Variants in C1GALT1 observed in about 807,000 individuals in gnomAD.
The protein encoded by C1GALT1 is glycoprotein-N-acetylgalactosamine 3-beta-galactosyltransferase 1.
A neutral mutation model predicts 31.0 loss-of-function variants in C1GALT1; 11 were observed. The observed-to-expected ratio is 0.36, with a 90% CI of 0.22 to 0.59. C1GALT1 has a LOEUF of 0.59. Among genes scored for constraint, C1GALT1 ranks in the 20% least tolerant of loss-of-function variants. The probability of loss-of-function intolerance (pLI) is 0.79; values close to 1 mark genes in which losing one functional copy is unlikely to be tolerated. For missense variants in C1GALT1, 424 were observed against 425.2 expected (o/e 1.00, Z 0.03); for synonymous variants, 175 against 143.6 (o/e 1.22, Z -1.56).
At chr7:7,219,901 T>C (rs1380147102) in intron 1 of C1GALT1, among the ~76,000 whole-genome samples, 1 of 152,208 alleles carries the variant, frequency 6.6e-6, no homozygotes, top group Non-Finnish European at 1.5e-5. Flanking sequence ...CATAATAAAA[T>C]GTAATCTTCA....
intron 3 of C1GALT1, among the ~76,000 whole-genome samples, chr7:7,241,517 C>T (rs763545680): frequency 6.6e-6 from 1 of 151,978 alleles, no homozygotes; most frequent in Non-Finnish European, 1.5e-5. Flanking sequence ...CATACAAACT[C>T]ATTAATTTAG....
chr7:7,229,710 CT>C (rs1009886667), intron 1 of C1GALT1, among the ~76,000 whole-genome samples: 4 of 152,002 alleles, frequency 2.6e-5, no homozygotes, highest in Admixed American at 2.0e-4. Context: ...TTTATTGTAT[CT>C]TTTGGATATA....
chr7:7,231,903 C>T (rs1783092238), intron 1 of C1GALT1, among the ~76,000 whole-genome samples: 1 of 152,182 alleles, frequency 6.6e-6, no homozygotes, highest in African/African-American at 2.4e-5. Flanking sequence ...GCTGAGATGA[C>T]TCTAACGTAG....
intron 2 of C1GALT1, among the ~76,000 whole-genome samples, chr7:7,158,501 G>A (rs1256315728): frequency 6.6e-6 from 1 of 151,682 alleles, no homozygotes; most frequent in African/African-American, 2.4e-5. Flanking sequence ...TGAGTATAAC[G>A]ATTCCTATAT....
At chr7:7,219,660 AATAT>A (rs1044480602) in intron 1 of C1GALT1, among the ~76,000 whole-genome samples, 2 of 152,214 alleles carry the variant, frequency 1.3e-5, no homozygotes, top group Non-Finnish European at 2.9e-5. Context: ...CTGCTCAAGA[AATAT>A]ATATTCATTA....
chr7:7,175,044 G>A (rs897500176), intron 2 of C1GALT1, among the ~76,000 whole-genome samples: 2 of 152,100 alleles, frequency 1.3e-5, no homozygotes, highest in African/African-American at 4.8e-5. Context: ...TGATTTTTGT[G>A]TGTGAGCTTG....
intron 1 of C1GALT1, among the ~76,000 whole-genome samples, chr7:7,188,281 G>C (rs190949738): frequency 7.6e-4 from 115 of 152,270 alleles, no homozygotes; most frequent in African/African-American, 2.7e-3. Flanking sequence ...AATAATTTAG[G>C]TAATTACCAG....
intron 2 of C1GALT1, among the ~76,000 whole-genome samples, chr7:7,168,070 A>G (rs1186545852): frequency 6.6e-6 from 1 of 152,244 alleles, no homozygotes; most frequent in African/African-American, 2.4e-5. Context: ...ATAGGTAAGT[A>G]GAGATGGTGA....
At chr7:7,227,168 A>T (rs867551104) in intron 1 of C1GALT1, among the ~76,000 whole-genome samples, 1 of 152,206 alleles carries the variant, frequency 6.6e-6, no homozygotes. Flanking sequence ...ATAAATTCAA[A>T]TAAATCTAAT....
At chr7:7,210,006 A>G (rs1330174002) in intron 1 of C1GALT1, among the ~76,000 whole-genome samples, 1 of 152,068 alleles carries the variant, frequency 6.6e-6, no homozygotes, top group Non-Finnish European at 1.5e-5. Flanking sequence ...AGGGGAAGGA[A>G]TTTCACAAGG....
chr7:7,235,604 C>G (rs1482513294), intron 2 of C1GALT1, among the ~76,000 whole-genome samples: 1 of 152,148 alleles, frequency 6.6e-6, no homozygotes, highest in African/African-American at 2.4e-5. Context: ...CGTACGAGGC[C>G]TCACTGCAGG....
At chr7:7,222,692 A>G (rs754204005) in intron 1 of C1GALT1, among the ~76,000 whole-genome samples, 1 of 152,202 alleles carries the variant, frequency 6.6e-6, no homozygotes, top group Non-Finnish European at 1.5e-5. Context: ...GATTCCAAAT[A>G]ATTATTGCTA....
intron 3 of C1GALT1, among the ~76,000 whole-genome samples, chr7:7,243,172 A>C (rs1193095229): frequency 1.3e-5 from 2 of 152,130 alleles, no homozygotes; most frequent in Non-Finnish European, 2.9e-5. Flanking sequence ...AAAATGAGGA[A>C]GAGAAAGCAG....
chr7:7,240,712 A>C (rs111985054), intron 3 of C1GALT1, among the ~76,000 whole-genome samples: 7 of 152,206 alleles, frequency 4.6e-5, no homozygotes, highest in African/African-American at 1.7e-4. Context: ...CATAAAACAG[A>C]ATTAGAATTC....
chr7:7,172,996 T>C lies in C1GALT1; in HGVS notation c.-18+15570T>C, dbSNP rs1289833544. Reference sequence around the variant, plus strand: ...CCTTCCCCTCATCTGATTGGAATCATGCAGTCTGCAACCGTTCCAGATTAG... The same window carrying C: ...CCTTCCCCTCATCTGATTGGAATCACGCAGTCTGCAACCGTTCCAGATTAG... On this transcript the variant is annotated intron_variant, in intron 2 of 3. Coordinates refer to the C1GALT1 transcript ENST00000429911. 2.6e-5 allele frequency among the ~76,000 whole-genome samples: 4 copies of C among 152,228 alleles called. No individual in the cohort carries two copies. The East Asian group carries it at 7.7e-4, about 29-fold the overall frequency.
intron 2 of C1GALT1, among the ~76,000 whole-genome samples, chr7:7,163,570 T>C (rs2128226624): frequency 6.6e-6 from 1 of 152,212 alleles, no homozygotes; most frequent in South Asian, 2.1e-4. Context: ...GAAAACCCCA[T>C]TGTCTCAGCC....
chr7:7,242,992 A>G (rs1036232635), intron 3 of C1GALT1, among the ~76,000 whole-genome samples: 35 of 152,146 alleles, frequency 2.3e-4, no homozygotes, highest in Non-Finnish European at 3.8e-4. Context: ...ATTTGGGTTC[A>G]AACCCAAGTC....
At chr7:7,231,353 G>C (rs763064159) in intron 1 of C1GALT1, among the ~76,000 whole-genome samples, 1 of 151,934 alleles carries the variant, frequency 6.6e-6, no homozygotes, top group Non-Finnish European at 1.5e-5. Flanking sequence ...GTGAGGGTTG[G>C]TACTGTGTCA....
At position 7,234,443 on chromosome 7, in the gene C1GALT1, C is replaced by A. The variant is rs1319292660; in HGVS notation, c.124C>A (p.Leu42Ile). 6.2e-7 allele frequency: 1 copy of A among 1,613,868 alleles called. No individual in the cohort carries two copies. Among genetic ancestry groups the A allele is most frequent in the South Asian group, 1.1e-5 (1 of 91,064 alleles). ...GEKVDTQPNV[L>I]HNDPHARHSD... The stretch of plus-strand genomic sequence containing the variant: ...AAAGGTTGACACCCAGCCTAATGTT[C>A]TTCATAATGATCCTCATGCAAGGCA... The change falls in exon 2 of 4, where the codon CTT becomes ATT. Residue 42 changes from leucine (L) to isoleucine (I), a missense_variant. Leu to Ile is a conservative substitution (Grantham distance 5, BLOSUM62 2). Transcript: ENST00000436587.
Sources: allele counts gnomAD v4.1 joint callset (sites outside exome capture counted in the v4.1 genomes callset), GRCh38; gene constraint gnomAD v4.1.1; transcripts MANE v1.5; gene names NCBI Gene and HGNC (gene_info 2026-07-23, HGNC 2026-07-21).